Variants in ITGA11 observed in about 807,000 individuals in gnomAD.
ITGA11 encodes integrin alpha-11.
In ITGA11, 97 loss-of-function variants were observed where a neutral mutation model predicts 141.9. The observed-to-expected ratio is 0.68, with a 90% CI of 0.58 to 0.81. The LOEUF is 0.81. Among genes scored for constraint, ITGA11 ranks in the 30% least tolerant of loss-of-function variants. ITGA11 has a pLI of 0.00. For synonymous variants in ITGA11, 658 were observed against 624.6 expected (o/e 1.05, Z -0.80); for missense variants, 1,387 against 1,559.2 (o/e 0.89, Z 1.86).
chr15:68,406,455 A>G (rs956548584), intron 1 of ITGA11, among the ~76,000 whole-genome samples: 1 of 151,926 alleles, frequency 6.6e-6, no homozygotes, highest in African/African-American at 2.4e-5. Context: ...TCTTCCTGGA[A>G]TGCTCTTCTT....
At chr15:68,342,900 GGC>G (rs1297981320) in intron 10 of ITGA11, among the ~76,000 whole-genome samples, 5 of 152,222 alleles carry the variant, frequency 3.3e-5, no homozygotes, top group African/African-American at 1.2e-4. Context: ...GAGGATCCCT[GGC>G]GTGGTGGTGA....
intron 2 of ITGA11, among the ~76,000 whole-genome samples, chr15:68,394,108 C>G (rs1047848854): frequency 6.6e-6 from 1 of 152,146 alleles, no homozygotes; most frequent in Admixed American, 6.5e-5. Flanking sequence ...ACTAGAAAAT[C>G]TAGAGGAAAC....
intron 1 of ITGA11, 105 bp downstream of exon 1, chr15:68,431,910 A>T: frequency 1.3e-6 from 1 of 774,894 alleles, no homozygotes; most frequent in Non-Finnish European, 1.8e-6. Context: ...CTGAGGTCTG[A>T]CCCTGGGAGG....
chr15:68,348,851 G>T lies in ITGA11; in HGVS notation c.1110C>A (p.Gly370=), dbSNP rs1443729907. ...TSFGLEMSQT[G]FSSHVVEDGV... ...ATACCTCCACCACGTGCGAGGAAAA[G>T]CCCGTCTGTGACATCTCCAGCCCAA... is the stretch of plus-strand genomic sequence containing the variant. Residue 370 remains glycine, a synonymous_variant, in exon 10 of 30, where the codon GGC becomes GGA. Transcript: ENST00000315757. 6.2e-7 allele frequency: 1 copy of T among 1,609,224 alleles called. No homozygotes were observed. The highest frequency in any genetic ancestry group is 8.5e-7 in the Non-Finnish European group (1 of 1,177,908).
intron 1 of ITGA11, among the ~76,000 whole-genome samples, chr15:68,425,282 G>A (rs767100659): frequency 5.3e-5 from 8 of 152,218 alleles, no homozygotes; most frequent in African/African-American, 1.9e-4. Flanking sequence ...CCTGCACTTG[G>A]TGAATGCCCT....
chr15:68,405,158 C>CTTTTT (rs1566940352), intron 1 of ITGA11, among the ~76,000 whole-genome samples: 176 of 7,804 alleles, frequency 0.023, 3 homozygotes, highest in African/African-American at 0.088. Context: ...CCACTGTCTC[C>CTTTTT]CTTTTTTTTT....
At chr15:68,397,578 ATATT>A (rs1284578834) in intron 2 of ITGA11, among the ~76,000 whole-genome samples, 1 of 30,460 alleles carries the variant, frequency 3.3e-5, no homozygotes, top group Non-Finnish European at 5.9e-5. Context: ...TTAAAATATT[ATATT>A]TAAAATATTA....
intron 18 of ITGA11, among the ~76,000 whole-genome samples, chr15:68,323,631 GCT>G (rs1457549400): frequency 2.0e-5 from 3 of 152,120 alleles, no homozygotes; most frequent in South Asian, 2.1e-4. Context: ...AAAGTTTTCA[GCT>G]CTGTTTCTCA....
chr15:68,361,128 C>T (rs561957610), intron 5 of ITGA11, among the ~76,000 whole-genome samples: 1 of 152,250 alleles, frequency 6.6e-6, no homozygotes, highest in African/African-American at 2.4e-5. Context: ...TGTCCAGGAG[C>T]ACTGATTTGG....
rs527514294 is a variant in ITGA11 at position 68,301,756 on chromosome 15, G to A, written c.*1303C>T. The A allele has an allele frequency of 6.5e-5, 10 of 152,686 alleles. No homozygotes were observed. Among genetic ancestry groups the A allele is most frequent in the East Asian group, 5.8e-4 (3 of 5,190 alleles). The allele number at this position is 152,686 out of a possible 1,614,324, so 9.5% of individuals were successfully genotyped here. ...TTTCAAAAATACGACAGTAAAGGTC[G>A]TACTATGCACAGGGGGACTGATGCC... On this transcript the variant is annotated 3_prime_UTR_variant, in exon 30 of 30. Transcript: ENST00000315757. This position sits in a 1 kb window ranked among gnomAD's most constrained non-coding sequence, Gnocchi z 4.4.
intron 16 of ITGA11, among the ~76,000 whole-genome samples, chr15:68,327,122 AC>A (rs1894001394): frequency 6.6e-6 from 1 of 151,126 alleles, no homozygotes. Context: ...GCAGTCAACA[AC>A]CCCCTCCGCC....
At position 68,326,930 on chromosome 15, in the gene ITGA11, T is replaced by G. The variant is rs1893993995; in HGVS notation, c.2069-134A>C. The G allele has an allele frequency of 1.1e-6, 1 of 916,802 alleles. No homozygotes were observed. Among genetic ancestry groups the G allele is most frequent in the African/African-American group, 1.7e-5 (1 of 58,842 alleles). 56.8% of individuals were successfully genotyped at this position (916,802 alleles called of 1,614,324 possible). On this transcript the variant is annotated intron_variant, in intron 16 of 29. Transcript: ENST00000315757. The surrounding 1 kb of genome is among the most constrained non-coding windows in gnomAD (Gnocchi z 6.8). Reference sequence around the variant, plus strand: ...TTCCTCTCACGAGCCCCAGTGTGGGTGAGAAACTCCCACATGGAGAGCAAG... The same window carrying G: ...TTCCTCTCACGAGCCCCAGTGTGGGGGAGAAACTCCCACATGGAGAGCAAG...
chr15:68,343,887 G>A (rs949434599), intron 10 of ITGA11, among the ~76,000 whole-genome samples: 3 of 152,208 alleles, frequency 2.0e-5, no homozygotes, highest in South Asian at 4.1e-4. Context: ...GGCAGGAAAG[G>A]CCCAGAAACA....
rs1446289005 is a variant in ITGA11 at position 68,317,305 on chromosome 15, A to G, written c.2675T>C (p.Val892Ala). The G allele has an allele frequency of 9.3e-6, 15 of 1,613,672 alleles. No individual in the cohort carries two copies. Among genetic ancestry groups the G allele is most frequent in the African/African-American group, 1.3e-5 (1 of 74,854 alleles). ...GAAGAAGGGATAGCTGACGTTGCAG[A>G]CTTGCTTCTGGAGCCTCCTCTCCTC... ...VNEERRLQKQVCNVSYPFFRA... is the reference protein window; with the variant it reads ...VNEERRLQKQACNVSYPFFRA... Residue 892 changes from valine to alanine, a missense_variant, in exon 21 of 30, where the codon GTC becomes GCC. Val to Ala is a moderately conservative substitution (Grantham distance 64). Transcript: ENST00000315757.
At chr15:68,331,494 T>C (rs1369805103) in intron 14 of ITGA11, among the ~76,000 whole-genome samples, 1 of 151,534 alleles carries the variant, frequency 6.6e-6, no homozygotes, top group African/African-American at 2.4e-5. Context: ...GCATGGTTTC[T>C]AGCATGAAGC....
At position 68,332,414 on chromosome 15, in the gene ITGA11, A is replaced by T; in HGVS notation, c.1490T>A (p.Val497Asp). The change falls in exon 13 of 30, where the codon GTC becomes GAC. Residue 497 changes from valine (V) to aspartate (D), a missense_variant. Physicochemically the swap from Val to Asp is radical, Grantham distance 152. Coordinates refer to ENST00000315757, the MANE Select transcript of ITGA11 (RefSeq NM_001004439.2). ...VDIDGDGVTD[V>D]LLVGAPMYFN... ...GTACATGGGTGCGCCCACCAGCAGG[A>T]CATCAGTCACGCCGTCGCCGTCGAT... 6.2e-7 allele frequency: 1 copy of T among 1,611,322 alleles called. No homozygotes were observed. Among genetic ancestry groups the T allele is most frequent in the Non-Finnish European group, 8.5e-7 (1 of 1,178,964 alleles).
chr15:68,408,117 G>C (rs1419517376), intron 1 of ITGA11, among the ~76,000 whole-genome samples: 1 of 152,102 alleles, frequency 6.6e-6, no homozygotes, highest in Non-Finnish European at 1.5e-5. Context: ...TCCCTTTTCT[G>C]CTCCTCCAGA....
intron 6 of ITGA11, 114 bp from the exon 7 acceptor site, chr15:68,357,413 G>A: frequency 7.9e-7 from 1 of 1,271,556 alleles, no homozygotes; most frequent in Non-Finnish European, 1.1e-6. Context: ...ACAGGAGGGA[G>A]GAGGGCTGAG....
chr15:68,407,705 C>T (rs941333864), intron 1 of ITGA11, among the ~76,000 whole-genome samples: 7 of 152,186 alleles, frequency 4.6e-5, no homozygotes, highest in African/African-American at 1.7e-4. Context: ...GTTACGTCAA[C>T]TGTTGCTCCC....
Sources: allele counts gnomAD v4.1 joint callset (sites outside exome capture counted in the v4.1 genomes callset), GRCh38; gene constraint gnomAD v4.1.1; non-coding constraint Gnocchi (gnomAD v3.1); transcripts MANE v1.5; gene names NCBI Gene and HGNC (gene_info 2026-07-23, HGNC 2026-07-21).